SHROOM3: variants seen among roughly 807,000 people sequenced by gnomAD.
SHROOM3 encodes protein Shroom3.
In SHROOM3, 47 loss-of-function variants were observed where a neutral mutation model predicts 138.6. The observed-to-expected ratio is 0.34, with a 90% CI of 0.27 to 0.43. SHROOM3 has a LOEUF of 0.43. SHROOM3 is among the 20% of genes least tolerant of loss of function. The pLI, the probability that SHROOM3 is intolerant of heterozygous loss-of-function variation, is 1.00. For missense variants in SHROOM3, 2,491 were observed against 2,596.5 expected (o/e 0.96, Z 0.88); for synonymous variants, 1,062 against 1,063.3 (o/e 1.00, Z 0.02).
intron 2 of SHROOM3, among the ~76,000 whole-genome samples, chr4:76,680,612 A>G (rs1443681609): frequency 6.6e-6 from 1 of 152,190 alleles, no homozygotes; most frequent in East Asian, 1.9e-4. Context: ...AAGAGCTAAA[A>G]TTCAATAAGC....
intron 1 of SHROOM3, among the ~76,000 whole-genome samples, chr4:76,528,995 G>T (rs1158405290): frequency 1.3e-5 from 2 of 152,200 alleles, no homozygotes; most frequent in Middle Eastern, 3.2e-3. Flanking sequence ...TTTGGCTTTA[G>T]GTATCTATCC....
chr4:76,492,204 C>T (rs1335150739), intron 1 of SHROOM3, among the ~76,000 whole-genome samples: 1 of 152,198 alleles, frequency 6.6e-6, no homozygotes, highest in Non-Finnish European at 1.5e-5. Flanking sequence ...AACTGCTGCT[C>T]TTTTCATTTG....
chr4:76,549,589 G>C (rs1184969072), intron 1 of SHROOM3, among the ~76,000 whole-genome samples: 1 of 152,042 alleles, frequency 6.6e-6, no homozygotes, highest in East Asian at 1.9e-4. Flanking sequence ...GGCTGGTCTC[G>C]AACTCCTGAC....
intron 2 of SHROOM3, among the ~76,000 whole-genome samples, chr4:76,704,958 G>A (rs1400177368): frequency 6.6e-6 from 1 of 152,114 alleles, no homozygotes; most frequent in Non-Finnish European, 1.5e-5. Flanking sequence ...CCCCTTTAAG[G>A]ATAAAATAGA....
chr4:76,443,765 C>T (rs1282436590), intron 1 of SHROOM3, among the ~76,000 whole-genome samples: 1 of 152,206 alleles, frequency 6.6e-6, no homozygotes, highest in African/African-American at 2.4e-5. Flanking sequence ...TCTTTTCTGC[C>T]TTCAGAGGAA....
chr4:76,446,327 A>T (rs1730803926), intron 1 of SHROOM3, among the ~76,000 whole-genome samples: 1 of 15,844 alleles, frequency 6.3e-5, no homozygotes, highest in Non-Finnish European at 2.4e-4. Flanking sequence ...TAAACTGGTA[A>T]AAAAAAAAAA....
intron 1 of SHROOM3, among the ~76,000 whole-genome samples, chr4:76,468,047 G>A (rs1731282304): frequency 6.6e-6 from 1 of 152,220 alleles, no homozygotes; most frequent in Non-Finnish European, 1.5e-5. Context: ...AGCCTGTTGG[G>A]AGCCAGACCA....
At chr4:76,537,120 A>G (rs1732969798) in intron 1 of SHROOM3, among the ~76,000 whole-genome samples, 1 of 152,138 alleles carries the variant, frequency 6.6e-6, no homozygotes, top group South Asian at 2.1e-4. Flanking sequence ...CTCAAAAATA[A>G]TAATAATAAT....
intron 1 of SHROOM3, among the ~76,000 whole-genome samples, chr4:76,505,217 T>C (rs1732185694): frequency 1.3e-5 from 2 of 152,224 alleles, no homozygotes; most frequent in Non-Finnish European, 1.5e-5. Context: ...ATAAGCCCTG[T>C]GAACTTAAGA....
At chr4:76,466,492 T>C (rs1416807771) in intron 1 of SHROOM3, among the ~76,000 whole-genome samples, 1 of 152,218 alleles carries the variant, frequency 6.6e-6, no homozygotes, top group Non-Finnish European at 1.5e-5. Context: ...GCCTTGTAGA[T>C]AGACTTCCTC....
chr4:76,738,374 A>T (rs906036876), intron 4 of SHROOM3, among the ~76,000 whole-genome samples: 1 of 152,186 alleles, frequency 6.6e-6, no homozygotes, highest in African/African-American at 2.4e-5. Flanking sequence ...TCCCACAAAC[A>T]GCCCCAGTAG....
chr4:76,674,550 CTTCCTTTTTTTTT>C (rs1321477267), intron 2 of SHROOM3, among the ~76,000 whole-genome samples: 1 of 138,606 alleles, frequency 7.2e-6, no homozygotes, highest in African/African-American at 2.7e-5. Flanking sequence ...TCCTTCCTTC[CTTCCTTTTTTTTT>C]TTTTTTTTTT....
chr4:76,567,845 CA>C (rs1451892225), intron 2 of SHROOM3, among the ~76,000 whole-genome samples: 1 of 151,872 alleles, frequency 6.6e-6, no homozygotes, highest in Non-Finnish European at 1.5e-5. Context: ...AAGAAGCGAA[CA>C]ATTGAAGAGA....
intron 1 of SHROOM3, among the ~76,000 whole-genome samples, chr4:76,457,048 TGTGGATCTTCAG>T (rs1453964714): frequency 6.6e-6 from 1 of 152,210 alleles, no homozygotes; most frequent in Non-Finnish European, 1.5e-5. Flanking sequence ...TTACTTCTTT[TGTGGATCTTCAG>T]GTACTTCAGG....
intron 4 of SHROOM3, among the ~76,000 whole-genome samples, chr4:76,732,853 T>G (rs1314733913): frequency 1.3e-5 from 2 of 152,194 alleles, no homozygotes; most frequent in Admixed American, 1.3e-4. Flanking sequence ...AAATAACTAG[T>G]ACCTACATCA....
At position 76,759,618 on chromosome 4, in the gene SHROOM3, G is replaced by C; in HGVS notation, c.5272G>C (p.Glu1758Gln). 6.2e-7 allele frequency: 1 copy of C among 1,614,184 alleles called. No homozygotes were observed. The highest frequency in any genetic ancestry group is 8.5e-7 in the Non-Finnish European group (1 of 1,180,034). ...CTACAGTGTGTCTGCTCCCAAGGCT[G>C]AGCTACTGAACAAAATCAAAGAGAT... is the stretch of plus-strand genomic sequence containing the variant. Reference protein sequence around the residue: ...AYYSVSAPKAELLNKIKEMPA... With the variant: ...AYYSVSAPKAQLLNKIKEMPA... The change falls in exon 9 of 11, where the codon GAG becomes CAG. Residue 1758 changes from glutamate (E) to glutamine (Q), a missense_variant. Glu to Gln is a conservative substitution (Grantham distance 29). Coordinates refer to ENST00000296043, the MANE Select transcript of SHROOM3 (RefSeq NM_020859.4).
intron 6 of SHROOM3, among the ~76,000 whole-genome samples, chr4:76,750,642 C>A (rs567205277): frequency 6.6e-6 from 1 of 152,162 alleles, no homozygotes; most frequent in African/African-American, 2.4e-5. Context: ...CAAACCTGTA[C>A]ATGTACTCCT....
Position 76,535,344 on chromosome 4 carries a change from G to C in SHROOM3, c.169-20265G>C, listed in dbSNP as rs541609023. Among the ~76,000 whole-genome samples the C allele has an allele frequency of 4.7e-4, 71 of 152,290 alleles. 2 individuals carry two copies. The South Asian group carries it at 0.014, about 30-fold the overall frequency. On this transcript the variant is annotated intron_variant, in intron 1 of 10. Coordinates refer to ENST00000296043, the MANE Select transcript of SHROOM3 (RefSeq NM_020859.4). Reference sequence around the variant, plus strand: ...TGGACTTTGAAGTTCACCTGAGCCTGAATTCTGATTCTTCCCCCATATTTG... The same window carrying C: ...TGGACTTTGAAGTTCACCTGAGCCTCAATTCTGATTCTTCCCCCATATTTG...
intron 2 of SHROOM3, among the ~76,000 whole-genome samples, chr4:76,631,260 G>A (rs909698931): frequency 2.2e-5 from 3 of 139,156 alleles, no homozygotes; most frequent in African/African-American, 2.7e-5. Flanking sequence ...CCAGGCTGGA[G>A]TGTAGTGGTG....
Sources: allele counts gnomAD v4.1 joint callset (sites outside exome capture counted in the v4.1 genomes callset), GRCh38; gene constraint gnomAD v4.1.1; transcripts MANE v1.5; gene names NCBI Gene and HGNC (gene_info 2026-07-23, HGNC 2026-07-21).